The following TTLL11 variants were observed in gnomAD, a reference collection of about 807,000 sequenced individuals.
TTLL11 encodes the protein tubulin polyglutamylase TTLL11.
A neutral mutation model predicts 51.7 loss-of-function variants in TTLL11; 42 were observed. The ratio of observed to expected loss-of-function variants is 0.81; its 90% CI spans 0.64 to 1.05. The LOEUF is 1.05. TTLL11 is among the 50% of genes least tolerant of loss of function. The pLI, the probability that TTLL11 is intolerant of heterozygous loss-of-function variation, is 0.00. For synonymous variants in TTLL11, 381 were observed against 383.5 expected, an observed-to-expected ratio of 0.99 and a Z score of 0.08; for missense variants, 799 against 940.4, an observed-to-expected ratio of 0.85 and a Z score of 1.97.
At chr9:122,038,931 G>C (rs566617303) in intron 2 of TTLL11, among the ~76,000 whole-genome samples, 2 of 152,282 alleles carry the variant, frequency 1.3e-5, no homozygotes, top group African/African-American at 4.8e-5. Context: ...TATGACATAT[G>C]CCTAGAATTT....
chr9:121,987,607 G>C (rs73662554), intron 4 of TTLL11, among the ~76,000 whole-genome samples: 2,416 of 152,258 alleles, frequency 0.016, 49 homozygotes, highest in African/African-American at 0.055. Flanking sequence ...CCTTACGAGT[G>C]GAGAGGACAG....
intron 6 of TTLL11, among the ~76,000 whole-genome samples, chr9:121,942,749 T>A (rs993189160): frequency 5.0e-4 from 74 of 148,426 alleles, no homozygotes; most frequent in South Asian, 1.9e-3. Context: ...TTTTTTTTTT[T>A]TTTTTTTTTT....
chr9:121,950,490 A>T (rs1489019068), intron 6 of TTLL11, among the ~76,000 whole-genome samples: 1 of 152,212 alleles, frequency 6.6e-6, no homozygotes, highest in Non-Finnish European at 1.5e-5. Flanking sequence ...CAATTTATTC[A>T]TATCCCAAAG....
chr9:122,090,697 G>T lies in TTLL11; in HGVS notation c.462+1990C>A, dbSNP rs374411924. The stretch of plus-strand genomic sequence containing the variant: ...AACTTCTGTGTGCCAAGTACCTGCG[G>T]GTACAGCAATAAACAAAACAAAGCC... On this transcript the variant is annotated intron_variant, in intron 1 of 8. Transcript: ENST00000321582. 5.3e-5 allele frequency among the ~76,000 whole-genome samples: 8 copies of T among 152,120 alleles called. No individual in the cohort carries two copies. In the South Asian group the frequency reaches 1.7e-3, roughly 32 times the overall value.
intron 3 of TTLL11, among the ~76,000 whole-genome samples, chr9:121,990,910 C>T (rs1489192475): frequency 1.3e-5 from 2 of 152,174 alleles, no homozygotes; most frequent in Non-Finnish European, 2.9e-5. Flanking sequence ...TTCATCCTCG[C>T]CCCATTGCCC....
intron 1 of TTLL11, among the ~76,000 whole-genome samples, chr9:122,052,810 G>C (rs1201783250): frequency 6.6e-6 from 1 of 152,140 alleles, no homozygotes; most frequent in Non-Finnish European, 1.5e-5. Flanking sequence ...CTTCCCTCGA[G>C]TTCAGGAACT....
intron 1 of TTLL11, among the ~76,000 whole-genome samples, chr9:122,046,199 A>T (rs1239526026): frequency 6.6e-6 from 1 of 152,162 alleles, no homozygotes; most frequent in Non-Finnish European, 1.5e-5. Context: ...TGATTGGATC[A>T]TGGGGACAGA....
chr9:122,056,032 G>T (rs748635587), intron 1 of TTLL11, among the ~76,000 whole-genome samples: 14 of 152,296 alleles, frequency 9.2e-5, no homozygotes, highest in Non-Finnish European at 1.8e-4. Context: ...CCATATGCAG[G>T]ATATCCCCCA....
At chr9:121,888,922 C>A (rs576159767) in intron 6 of TTLL11, among the ~76,000 whole-genome samples, 37 of 152,318 alleles carry the variant, frequency 2.4e-4, no homozygotes, top group African/African-American at 8.9e-4. Flanking sequence ...GCCCAGATAG[C>A]GCTTGATAAT....
intron 1 of TTLL11, among the ~76,000 whole-genome samples, chr9:122,049,013 A>G (rs1845091350): frequency 1.3e-5 from 2 of 152,054 alleles, no homozygotes; most frequent in African/African-American, 4.8e-5. Context: ...GTGCCAGAAA[A>G]AAAAAAAAAG....
intron 8 of TTLL11, among the ~76,000 whole-genome samples, chr9:121,824,668 T>A (rs1836695314): frequency 1.3e-5 from 2 of 152,042 alleles, no homozygotes; most frequent in African/African-American, 4.8e-5. Flanking sequence ...AATGTCCAAG[T>A]AAAACTGGAA....
rs375005743 is a variant in TTLL11, at chr9:121,974,670, A to C, written c.1365+214T>G. Among the ~76,000 whole-genome samples the C allele has an allele frequency of 1.0e-3, 154 of 152,364 alleles. 1 individual carries two copies. The highest frequency in any genetic ancestry group is 3.5e-3 in the African/African-American group (147 of 41,586). The stretch of plus-strand genomic sequence containing the variant: ...TAAGTTTCCAAACCTTCAACACTGG[A>C]AAAACAGCATGCTGGGAAGTGACCA... On this transcript the variant is annotated intron_variant, in intron 5 of 8. Transcript: ENST00000321582.
intron 6 of TTLL11, among the ~76,000 whole-genome samples, chr9:121,874,459 T>C (rs1838489028): frequency 6.6e-6 from 1 of 152,262 alleles, no homozygotes; most frequent in Non-Finnish European, 1.5e-5. Context: ...ATCAAAATCA[T>C]TTGTAATTCT....
chr9:121,872,556 A>C (rs911819961), intron 6 of TTLL11, among the ~76,000 whole-genome samples: 1 of 152,230 alleles, frequency 6.6e-6, no homozygotes, highest in Non-Finnish European at 1.5e-5. Flanking sequence ...GTAACCTGTA[A>C]GTGCTTTTAA....
rs1210621109 is a variant in TTLL11 at position 121,822,737 on chromosome 9, C to T, written c.1983G>A (p.Val661=). 1.3e-6 allele frequency: 2 copies of T among 1,551,618 alleles called. No homozygotes were observed. The highest frequency in any genetic ancestry group is 1.7e-6 in the Non-Finnish European group (2 of 1,146,984). ...HLSLLDEKRL[V]CGRGVPSGGR... ...CCCCCGACGGGACGCCCCGGCCACACACCAGGCGTTTTTCATCCAGCAGGG... is the reference window on the plus strand; with the variant it reads ...CCCCCGACGGGACGCCCCGGCCACATACCAGGCGTTTTTCATCCAGCAGGG... Residue 661 remains valine, a synonymous_variant, in exon 9 of 9, where the codon GTG becomes GTA. Transcript: ENST00000321582. The surrounding 1 kb of genome is among the most constrained non-coding windows in gnomAD (Gnocchi z 5.8).
At position 121,969,323 on chromosome 9, in the gene TTLL11, G is replaced by A. The variant is rs74518112; in HGVS notation, c.1481+4686C>T. Among the ~76,000 whole-genome samples, 1,144 of 152,220 alleles carry A rather than the reference G, an allele frequency of 7.5e-3. 12 individuals carry two copies. Among genetic ancestry groups the A allele is most frequent in the African/African-American group, 0.027 (1,102 of 41,536 alleles). ...TTTCAGCTCCAGAGAAGGCACCCTC[G>A]AATATGCCAAGGTGGGTGTCAGCAG... On this transcript the variant is annotated intron_variant, in intron 6 of 8. Coordinates refer to ENST00000321582, the MANE Select transcript of TTLL11 (RefSeq NM_001139442.2).
intron 8 of TTLL11, among the ~76,000 whole-genome samples, chr9:121,852,194 T>G (rs1837682121): frequency 1.3e-5 from 2 of 152,192 alleles, no homozygotes; most frequent in African/African-American, 4.8e-5. Context: ...AAATGGTTTG[T>G]AATCTGTGAC....
At chr9:121,920,254 G>A (rs1212922948) in intron 6 of TTLL11, among the ~76,000 whole-genome samples, 1 of 152,220 alleles carries the variant, frequency 6.6e-6, no homozygotes, top group Non-Finnish European at 1.5e-5. Context: ...AGTGAGCCAA[G>A]ATTGCACGAC....
At chr9:121,972,134 G>GAAAAAAAAA (rs71371905) in intron 6 of TTLL11, among the ~76,000 whole-genome samples, 1 of 115,752 alleles carries the variant, frequency 8.6e-6, no homozygotes, top group African/African-American at 3.1e-5. Flanking sequence ...GTATGAAAAA[G>GAAAAAAAAA]AAAAAAAAAA....
Sources: gnomAD v4.1 joint callset for allele counts (sites outside exome capture counted in the v4.1 genomes callset) on GRCh38, gnomAD v4.1.1 for gene constraint, Gnocchi (gnomAD v3.1) non-coding constraint, MANE v1.5 for transcripts, NCBI Gene and HGNC (gene_info 2026-07-23, HGNC 2026-07-21) for gene names.